The following TMEM163 variants were observed in gnomAD, a reference collection of about 807,000 sequenced individuals.
TMEM163 encodes transmembrane protein 163.
TMEM163 carries 17 observed loss-of-function variants against 29.3 expected under a neutral mutation model. The observed-to-expected ratio is 0.58, with a 90% CI of 0.40 to 0.87. The LOEUF (loss-of-function observed/expected upper bound fraction) is 0.87, where lower values mean the gene tolerates loss of function less well. Ranked by LOEUF, TMEM163 falls within the 40% of genes least tolerant of loss-of-function variation. The probability of loss-of-function intolerance (pLI) is 0.00; values close to 1 mark genes in which losing one functional copy is unlikely to be tolerated. For synonymous variants in TMEM163, 157 were observed against 160.6 expected (o/e 0.98, Z 0.17); for missense variants, 303 against 381.5 (o/e 0.79, Z 1.71).
Position 134,455,984 on chromosome 2 carries a change from A to C in TMEM163, c.*732T>G, listed in dbSNP as rs889905073. 1.3e-5 allele frequency: 2 copies of C among 152,680 alleles called. No homozygotes were observed. The highest frequency in any genetic ancestry group is 2.9e-5 in the Non-Finnish European group (2 of 68,116). The allele number at this position is 152,680 out of a possible 1,614,324, so 9.5% of individuals were successfully genotyped here. A position where few individuals can be genotyped will look rare whatever the true frequency, so the allele number is the denominator to read the frequency against. ...ACACAGCATATAGATATATGCATAT[A>C]CGGATAGATTATATTTATTTATTAC... On this transcript the variant is annotated 3_prime_UTR_variant, in exon 8 of 8. Coordinates refer to ENST00000281924, the MANE Select transcript of TMEM163 (RefSeq NM_030923.5).
intron 2 of TMEM163, among the ~76,000 whole-genome samples, chr2:134,687,503 C>T (rs534312776): frequency 2.0e-5 from 3 of 152,230 alleles, no homozygotes; most frequent in Non-Finnish European, 4.4e-5. Flanking sequence ...TATACAATTT[C>T]AACAATGTCA....
intron 5 of TMEM163, among the ~76,000 whole-genome samples, chr2:134,471,733 G>T (rs191503040): frequency 2.0e-5 from 3 of 152,112 alleles, no homozygotes; most frequent in African/African-American, 7.2e-5. Flanking sequence ...CTCAAGGTGC[G>T]GCCGCACCTA....
intron 2 of TMEM163, among the ~76,000 whole-genome samples, chr2:134,672,032 G>C (rs1303364954): frequency 6.6e-6 from 1 of 152,136 alleles, no homozygotes; most frequent in Non-Finnish European, 1.5e-5. Flanking sequence ...GTCAGTGACA[G>C]TTCATCCACC....
intron 2 of TMEM163, among the ~76,000 whole-genome samples, chr2:134,666,983 C>T (rs1169256054): frequency 4.6e-5 from 7 of 152,198 alleles, no homozygotes; most frequent in African/African-American, 1.7e-4. Flanking sequence ...CTCTGTGATG[C>T]TGTGGCTTCC....
chr2:134,528,424 C>T (rs1445498759), intron 4 of TMEM163, among the ~76,000 whole-genome samples: 1 of 152,160 alleles, frequency 6.6e-6, no homozygotes, highest in South Asian at 2.1e-4. Context: ...ACCTAGTAAA[C>T]CAGGAGAATG....
chr2:134,540,557 G>C (rs969777592), intron 4 of TMEM163, among the ~76,000 whole-genome samples: 10 of 152,220 alleles, frequency 6.6e-5, no homozygotes, highest in African/African-American at 2.4e-4. Context: ...GAGGGAAGGT[G>C]GAATGTCACA....
At chr2:134,647,884 C>G (rs560231318) in intron 2 of TMEM163, among the ~76,000 whole-genome samples, 127 of 152,350 alleles carry the variant, frequency 8.3e-4, no homozygotes, top group South Asian at 2.1e-3. Flanking sequence ...GAGCAAAACT[C>G]TGTGTGGCCC....
intron 2 of TMEM163, among the ~76,000 whole-genome samples, chr2:134,670,991 C>G (rs923682809): frequency 2.6e-5 from 4 of 152,178 alleles, no homozygotes; most frequent in African/African-American, 9.7e-5. Context: ...GAACTCAATC[C>G]CTGCCCTGTG....
rs56956631 is a variant in TMEM163, at chr2:134,684,922, C to CAA, written c.322+28276_322+28277dup. Among the ~76,000 whole-genome samples the CAA allele has an allele frequency of 5.9e-4, 44 of 74,794 alleles. 1 individual carries two copies. In the East Asian group the frequency reaches 6.4e-3, roughly 11 times the overall value. The allele number at this position is 74,794 out of a possible 152,430, so 49.1% of individuals were successfully genotyped here. A position where few individuals can be genotyped will look rare whatever the true frequency, so the allele number is the denominator to read the frequency against. On this transcript the variant is annotated intron_variant, in intron 2 of 7. Coordinates refer to ENST00000281924, the MANE Select transcript of TMEM163 (RefSeq NM_030923.5). ...TGGGAGACAGAGCAAGACCCTGTCT[C>CAA]AAAAAAAAAAAAAAAAAAGAAAAAG...
intron 2 of TMEM163, among the ~76,000 whole-genome samples, chr2:134,626,933 G>C (rs1163527940): frequency 1.3e-5 from 2 of 152,128 alleles, no homozygotes; most frequent in African/African-American, 2.4e-5. Context: ...AGCCTCTTGA[G>C]AAATGCTTCC....
intron 2 of TMEM163, among the ~76,000 whole-genome samples, chr2:134,670,034 C>T (rs113944449): frequency 1.3e-3 from 194 of 152,240 alleles, no homozygotes; most frequent in African/African-American, 4.0e-3. Context: ...CCTGCCCCAC[C>T]GAAACCATAA....
chr2:134,552,975 A>T (rs2106508354), intron 2 of TMEM163, among the ~76,000 whole-genome samples: 1 of 152,192 alleles, frequency 6.6e-6, no homozygotes, highest in Non-Finnish European at 1.5e-5. Context: ...CCATATTTTT[A>T]AATTGGAGGA....
At chr2:134,532,096 C>T (rs1680429009) in intron 4 of TMEM163, among the ~76,000 whole-genome samples, 1 of 152,190 alleles carries the variant, frequency 6.6e-6, no homozygotes, top group African/African-American at 2.4e-5. Flanking sequence ...CAGTTGGTTT[C>T]AAAACAAAGT....
chr2:134,528,139 CA>C (rs1180451715), intron 4 of TMEM163, among the ~76,000 whole-genome samples: 1 of 152,184 alleles, frequency 6.6e-6, no homozygotes, highest in Non-Finnish European at 1.5e-5. Context: ...GGTGAAAGAT[CA>C]TTCCATGTTG....
intron 2 of TMEM163, among the ~76,000 whole-genome samples, chr2:134,712,714 G>C (rs919216324): frequency 6.6e-6 from 1 of 152,090 alleles, no homozygotes; most frequent in African/African-American, 2.4e-5. Flanking sequence ...CACGGCCACT[G>C]AAAACTTGAC....
At chr2:134,692,945 C>T (rs1684503161) in intron 2 of TMEM163, among the ~76,000 whole-genome samples, 1 of 152,122 alleles carries the variant, frequency 6.6e-6, no homozygotes, top group South Asian at 2.1e-4. Context: ...CAAAACACTC[C>T]CAAATCCATC....
intron 2 of TMEM163, among the ~76,000 whole-genome samples, chr2:134,657,700 G>A (rs1446123556): frequency 2.6e-5 from 4 of 152,206 alleles, no homozygotes; most frequent in Non-Finnish European, 5.9e-5. Flanking sequence ...CTACTTAGGA[G>A]GCTGAGACAG....
In TMEM163 at chr2:134,483,091, C is replaced by T. The variant is rs180898620; in HGVS notation, c.556-16866G>A. Among the ~76,000 whole-genome samples, 95 of 152,272 alleles carry T rather than the reference C, an allele frequency of 6.2e-4. No homozygotes were observed. The Middle Eastern group carries it at 0.01, about 16-fold the overall frequency. ...AGCGGCCGAGGGCTACGACCAGCTCCGTGACAATGAGGGCACTCTGAGGCG... is the reference window on the plus strand; with the variant it reads ...AGCGGCCGAGGGCTACGACCAGCTCTGTGACAATGAGGGCACTCTGAGGCG... On this transcript the variant is annotated intron_variant, in intron 5 of 7. Coordinates refer to ENST00000281924, the MANE Select transcript of TMEM163 (RefSeq NM_030923.5).
chr2:134,545,148 G>A (rs184972955), intron 4 of TMEM163, among the ~76,000 whole-genome samples: 219 of 152,254 alleles, frequency 1.4e-3, no homozygotes, highest in African/African-American at 5.1e-3. Flanking sequence ...TGGAGGTCAC[G>A]ACGTTAAGTA....
Sources: allele counts gnomAD v4.1 joint callset (sites outside exome capture counted in the v4.1 genomes callset), GRCh38; gene constraint gnomAD v4.1.1; transcripts MANE v1.5; gene names NCBI Gene and HGNC (gene_info 2026-07-23, HGNC 2026-07-21).